The following MORC4 variants were observed in gnomAD, a reference collection of about 807,000 sequenced individuals.
MORC4 encodes MORC family CW-type zinc finger 4, also known as MORC family CW-type zinc finger protein 4.
A neutral mutation model predicts 65.5 loss-of-function variants in MORC4; 22 were observed. The ratio of observed to expected loss-of-function variants is 0.34; its 90% CI spans 0.24 to 0.48. The LOEUF is 0.48. Ranked by LOEUF, MORC4 falls within the 20% of genes least tolerant of loss-of-function variation. The probability of loss-of-function intolerance (pLI) is 0.99; values close to 1 mark genes in which losing one functional copy is unlikely to be tolerated. For missense variants in MORC4, 624 were observed against 703.0 expected, an observed-to-expected ratio of 0.89 and a Z score of 1.27; for synonymous variants, 267 against 255.8, an observed-to-expected ratio of 1.04 and a Z score of -0.42.
Position 106,941,953 on chromosome X carries a change from C to T in MORC4, c.2645G>A (p.Gly882Glu). The change falls in exon 16 of 17, where the codon GGA becomes GAA. Residue 882 changes from glycine (G) to glutamate (E), a missense_variant. Physicochemically the swap from Gly to Glu is moderately conservative, Grantham distance 98 (BLOSUM62 -2). Coordinates refer to ENST00000355610, the MANE Select transcript of MORC4 (RefSeq NM_024657.5). ...KAQVSYRTPE[G>E]DDLERALAKL... ...AGTAATTAACCTTTCTAGGTCATCT[C>T]CCTCTGGGGTCCGGTAGGAGACCTG... 1 of 1,209,746 alleles carries T rather than the reference C, an allele frequency of 8.3e-7. No individual in the cohort carries two copies. Among genetic ancestry groups the T allele is most frequent in the Admixed American group, 2.2e-5 (1 of 45,863 alleles).
At chrX:106,969,431 C>A (rs995172690) in intron 9 of MORC4, among the ~76,000 whole-genome samples, 2 of 111,285 alleles carry the variant, frequency 1.8e-5, no homozygotes, top group African/African-American at 6.5e-5. Context: ...GAAGCAAGAG[C>A]AAACAAATTC....
chrX:106,998,486 G>A (rs1294614452), intron 2 of MORC4, among the ~76,000 whole-genome samples: 1 of 111,777 alleles, frequency 8.9e-6, no homozygotes, highest in African/African-American at 3.3e-5. Flanking sequence ...AATACATTTC[G>A]CTTTCCCATC....
At chrX:106,996,242 A>C (rs1283179752) in intron 2 of MORC4, among the ~76,000 whole-genome samples, 2 of 99,697 alleles carry the variant, frequency 2.0e-5, no homozygotes, top group African/African-American at 7.6e-5. Context: ...CAGGCACTTC[A>C]GGAGTTACAA....
chrX:106,951,386 T>C (rs966863504), intron 14 of MORC4, among the ~76,000 whole-genome samples: 2 of 111,442 alleles, frequency 1.8e-5, no homozygotes, highest in Non-Finnish European at 3.8e-5. Flanking sequence ...AGATCTTTCT[T>C]TTTTTTTGAG....
intron 3 of MORC4, among the ~76,000 whole-genome samples, chrX:106,991,054 T>C (rs1242581641): frequency 2.7e-5 from 3 of 111,382 alleles, no homozygotes; most frequent in Non-Finnish European, 5.7e-5. Flanking sequence ...GGTAAACATA[T>C]TTGGTATGAT....
At chrX:106,956,276 C>T (rs1055190132) in intron 13 of MORC4, among the ~76,000 whole-genome samples, 1 of 112,158 alleles carries the variant, frequency 8.9e-6, no homozygotes, top group Non-Finnish European at 1.9e-5. Context: ...GGAAGATAAA[C>T]GATTCGACTC....
At chrX:106,999,138 G>T (rs1418297280) in intron 2 of MORC4, among the ~76,000 whole-genome samples, 1 of 111,620 alleles carries the variant, frequency 9.0e-6, no homozygotes, top group Non-Finnish European at 1.9e-5. Context: ...GAGGGCGCTC[G>T]TGGACCACGG....
At chrX:106,991,363 T>C (rs896970471) in intron 3 of MORC4, among the ~76,000 whole-genome samples, 2 of 112,671 alleles carry the variant, frequency 1.8e-5, no homozygotes, top group Admixed American at 9.4e-5. Context: ...GGTTCACCAC[T>C]TTATCTCCAG....
At chrX:106,992,025 T>G (rs183279238) in intron 3 of MORC4, among the ~76,000 whole-genome samples, 1 of 112,115 alleles carries the variant, frequency 8.9e-6, no homozygotes, top group East Asian at 2.8e-4. Flanking sequence ...TATATAATAT[T>G]AACTTCAGGA....
At chrX:106,967,005 G>C (rs964661205) in intron 9 of MORC4, among the ~76,000 whole-genome samples, 1 of 112,002 alleles carries the variant, frequency 8.9e-6, no homozygotes, top group Non-Finnish European at 1.9e-5. Flanking sequence ...GCCTCCTCAA[G>C]TAAGTCCCTG....
intron 8 of MORC4, 100 bp from the exon 9 acceptor site, chrX:106,976,784 C>T (rs1204477510): frequency 5.6e-6 from 3 of 537,736 alleles, no homozygotes; most frequent in East Asian, 7.0e-5. Context: ...ACATAACCTT[C>T]ATGGGCAAGA....
chrX:106,978,222 G>A, intron 7 of MORC4, 23 bp from the exon 8 acceptor site: 1 of 1,188,251 alleles, frequency 8.4e-7, no homozygotes. Context: ...TCGTTAAGGA[G>A]ACAAACATAC....
At chrX:106,957,854 G>A (rs770910655) in intron 11 of MORC4, among the ~76,000 whole-genome samples, 3 of 111,635 alleles carry the variant, frequency 2.7e-5, no homozygotes, top group Admixed American at 9.5e-5. Flanking sequence ...AAGAGTTTAC[G>A]ATCTCTTGAA....
At chrX:106,992,633 C>A (rs1430629444) in intron 3 of MORC4, among the ~76,000 whole-genome samples, 2 of 112,431 alleles carry the variant, frequency 1.8e-5, no homozygotes, top group Non-Finnish European at 3.8e-5. Flanking sequence ...TACTGCAAAA[C>A]CTTTAAAGAA....
At chrX:106,984,619 C>T (rs1934828629) in intron 5 of MORC4, among the ~76,000 whole-genome samples, 1 of 105,983 alleles carries the variant, frequency 9.4e-6, no homozygotes, top group Admixed American at 1.0e-4. Flanking sequence ...CAGGCACACA[C>T]CACCATGCCC....
chrX:106,971,493 G>A (rs981463228), intron 9 of MORC4, among the ~76,000 whole-genome samples: 1 of 112,234 alleles, frequency 8.9e-6, no homozygotes, highest in African/African-American at 3.2e-5. Flanking sequence ...AAGAGCTTCT[G>A]CACAGCAAAA....
Position 106,942,519 on chromosome X carries a change from T to C in MORC4, c.2372A>G (p.Gln791Arg). 6 of 1,207,704 alleles carry C rather than the reference T, an allele frequency of 5.0e-6. No homozygotes were observed. Among genetic ancestry groups the C allele is most frequent in the Non-Finnish European group, 5.6e-6 (5 of 893,144 alleles). Residue 791 changes from glutamine (Q) to arginine (R), a missense_variant, in exon 15 of 17, where the codon CAA becomes CGA. By Grantham distance (43) the Gln-to-Arg change is conservative (BLOSUM62 1). Transcript: ENST00000355610. ...RVLAERNLFQ[Q>R]KVEELEQERN... ...GTGGTGAGGTATTACCCTAACCTTTTGCTGGAACAAATTCCTTTCAGCCAA... is the reference window on the plus strand; with the variant it reads ...GTGGTGAGGTATTACCCTAACCTTTCGCTGGAACAAATTCCTTTCAGCCAA...
chrX:106,966,713 A>T (rs1934380753), intron 9 of MORC4, among the ~76,000 whole-genome samples: 1 of 112,859 alleles, frequency 8.9e-6, no homozygotes. Context: ...GACCTGGAAC[A>T]CGGGAGCTTG....
intron 8 of MORC4, among the ~76,000 whole-genome samples, chrX:106,977,154 C>T (rs1198571383): frequency 9.0e-6 from 1 of 111,705 alleles, no homozygotes. Context: ...ATACATAGGC[C>T]ACCAAACAAC....
Sources: allele counts gnomAD v4.1 joint callset (sites outside exome capture counted in the v4.1 genomes callset), GRCh38; gene constraint gnomAD v4.1.1; transcripts MANE v1.5; gene names NCBI Gene and HGNC (gene_info 2026-07-23, HGNC 2026-07-21).